Variants in ZFP3 observed in about 807,000 individuals in gnomAD.
The protein encoded by ZFP3 is ZFP3 zinc finger protein.
Under a neutral mutation model 36.7 loss-of-function variants are expected in ZFP3, and 18 were observed. The ratio of observed to expected loss-of-function variants is 0.49; its 90% CI spans 0.34 to 0.73. The LOEUF is 0.73. Ranked by LOEUF, ZFP3 falls within the 30% of genes least tolerant of loss-of-function variation. The pLI, the probability that ZFP3 is intolerant of heterozygous loss-of-function variation, is 0.01. For synonymous variants in ZFP3, 218 were observed against 199.0 expected (o/e 1.10, Z -0.81); for missense variants, 495 against 599.0 (o/e 0.83, Z 1.81).
At chr17:5,083,812 C>T (rs1167658724) in intron 1 of ZFP3, among the ~76,000 whole-genome samples, 1 of 152,024 alleles carries the variant, frequency 6.6e-6, no homozygotes, top group Non-Finnish European at 1.5e-5. Flanking sequence ...GGCTCCTAAG[C>T]AATTTTCAGG....
intron 1 of ZFP3, among the ~76,000 whole-genome samples, chr17:5,089,906 C>T (rs1158706493): frequency 6.6e-6 from 1 of 152,160 alleles, no homozygotes; most frequent in Non-Finnish European, 1.5e-5. Context: ...CATCTTCCCA[C>T]CTCTGCCTCC....
rs2072160204 is a variant in ZFP3 at position 5,093,180 on chromosome 17, T to A, written c.*167T>A. The A allele has an allele frequency of 1.6e-6, 1 of 644,134 alleles. No homozygotes were observed. Among genetic ancestry groups the A allele is most frequent in the Non-Finnish European group, 2.5e-6 (1 of 406,276 alleles). 39.9% of individuals were successfully genotyped at this position (644,134 alleles called of 1,614,324 possible). On this transcript the variant is annotated 3_prime_UTR_variant, in exon 2 of 2. Coordinates refer to ENST00000318833, the MANE Select transcript of ZFP3 (RefSeq NM_153018.3). ...TGGTTGAAGAAGATGAGGCACTTTT[T>A]TTTTTTTTTTTTTAAGCATTGGGGT...
intron 1 of ZFP3, among the ~76,000 whole-genome samples, chr17:5,088,683 C>A (rs184213192): frequency 2.2e-4 from 33 of 152,210 alleles, no homozygotes; most frequent in Admixed American, 5.2e-4. Flanking sequence ...CTTCTGACCT[C>A]GTGATCCACC....
At chr17:5,090,305 G>A (rs975280036) in intron 1 of ZFP3, among the ~76,000 whole-genome samples, 1 of 152,198 alleles carries the variant, frequency 6.6e-6, no homozygotes, top group Non-Finnish European at 1.5e-5. Flanking sequence ...GAGAAGACAA[G>A]GATCAGTGGA....
intron 1 of ZFP3, among the ~76,000 whole-genome samples, chr17:5,083,987 C>T (rs555775934): frequency 2.0e-5 from 3 of 152,012 alleles, no homozygotes; most frequent in Non-Finnish European, 4.4e-5. Context: ...CTGCCTCAGC[C>T]TCCCGAGTAG....
chr17:5,083,138 AAGTC>A (rs1284826035), intron 1 of ZFP3, among the ~76,000 whole-genome samples: 3 of 152,146 alleles, frequency 2.0e-5, no homozygotes, highest in Non-Finnish European at 4.4e-5. Flanking sequence ...AAGAGGAAAA[AAGTC>A]AGAGCAGGAA....
chr17:5,090,303 A>G (rs1295657287), intron 1 of ZFP3, among the ~76,000 whole-genome samples: 1 of 152,246 alleles, frequency 6.6e-6, no homozygotes, highest in Non-Finnish European at 1.5e-5. Flanking sequence ...TAGAGAAGAC[A>G]AGGATCAGTG....
intron 1 of ZFP3, among the ~76,000 whole-genome samples, chr17:5,079,462 T>C (rs1233860930): frequency 6.6e-6 from 1 of 151,742 alleles, no homozygotes; most frequent in Admixed American, 6.6e-5. Context: ...GCCTGGGAAG[T>C]TGAAGCTGCA....
intron 1 of ZFP3, among the ~76,000 whole-genome samples, chr17:5,090,176 GTTTAC>G (rs1567749719): frequency 6.6e-6 from 1 of 152,134 alleles, no homozygotes; most frequent in African/African-American, 2.4e-5. Context: ...TTATACTAAA[GTTTAC>G]TTGGGAAGAT....
At position 5,093,078 on chromosome 17, in the gene ZFP3, T is replaced by A. The variant is rs899204767; in HGVS notation, c.*65T>A. 4 of 1,452,460 alleles carry A rather than the reference T, an allele frequency of 2.8e-6. No homozygotes were observed. Among genetic ancestry groups the A allele is most frequent in the Non-Finnish European group, 3.7e-6 (4 of 1,081,192 alleles). The allele number at this position is 1,452,460 out of a possible 1,614,324, so 90.0% of individuals were successfully genotyped here. ...CCAACTTATTCATTTGTTCATAATA[T>A]GCAAATATGCACCCCAAGTATTCAA... On this transcript the variant is annotated 3_prime_UTR_variant, in exon 2 of 2. Transcript: ENST00000318833.
At chr17:5,084,307 G>C (rs1403780447) in intron 1 of ZFP3, among the ~76,000 whole-genome samples, 1 of 91,736 alleles carries the variant, frequency 1.1e-5, no homozygotes, top group Non-Finnish European at 1.9e-5. Flanking sequence ...ACGGAGTCTC[G>C]CTCTGTCGCC....
In ZFP3 at chr17:5,078,471, C is replaced by G. The variant is rs912685821; in HGVS notation, c.-113C>G. 1 of 152,332 alleles carries G rather than the reference C, an allele frequency of 6.6e-6. No homozygotes were observed. Among genetic ancestry groups the G allele is most frequent in the Non-Finnish European group, 1.5e-5 (1 of 68,102 alleles). 9.4% of individuals were successfully genotyped at this position (152,332 alleles called of 1,614,324 possible). Reference sequence around the variant, plus strand: ...GCCCGGGTACCGGAAGTGGCCGATGCCCGTCGCCAGTGACACCGGGACAAC... The same window carrying G: ...GCCCGGGTACCGGAAGTGGCCGATGGCCGTCGCCAGTGACACCGGGACAAC... On this transcript the variant is annotated 5_prime_UTR_variant, in exon 1 of 2. Transcript: ENST00000318833. The surrounding 1 kb of genome is among the most constrained non-coding windows in gnomAD (Gnocchi z 4.5).
At position 5,092,081 on chromosome 17, in the gene ZFP3, G is replaced by A; in HGVS notation, c.577G>A (p.Gly193Arg). The A allele has an allele frequency of 1.2e-6, 2 of 1,614,196 alleles. No individual in the cohort carries two copies. The highest frequency in any genetic ancestry group is 1.7e-6 in the Non-Finnish European group (2 of 1,180,038). Reference sequence around the variant, plus strand: ...TCGACGGCACCTGAGAATTCATGCTGGAGAAAAACCCTTTGCTTGTAATGA... The same window carrying A: ...TCGACGGCACCTGAGAATTCATGCTAGAGAAAAACCCTTTGCTTGTAATGA... Reference protein sequence around the residue: ...SLRRHLRIHAGEKPFACNECG... With the variant: ...SLRRHLRIHAREKPFACNECG... The change falls in exon 2 of 2, where the codon GGA becomes AGA. Residue 193 changes from glycine to arginine, a missense_variant. Transcript: ENST00000318833. This position sits in a 1 kb window ranked among gnomAD's most constrained non-coding sequence, Gnocchi z 5.0.
intron 1 of ZFP3, among the ~76,000 whole-genome samples, chr17:5,080,210 C>G (rs1166770073): frequency 6.6e-6 from 1 of 152,170 alleles, no homozygotes; most frequent in Non-Finnish European, 1.5e-5. Flanking sequence ...CTATGGTTCT[C>G]TCAGGATGGC....
At position 5,092,276 on chromosome 17, in the gene ZFP3, T is replaced by C; in HGVS notation, c.772T>C (p.Cys258Arg). 1.2e-6 allele frequency: 2 copies of C among 1,614,148 alleles called. No individual in the cohort carries two copies. Among genetic ancestry groups the C allele is most frequent in the South Asian group, 1.1e-5 (1 of 91,084 alleles). ...AGAGAAACCATATGAATGTAATGAATGTGGGAAGACCTTTAGGGTTAGTTC... is the reference window on the plus strand; with the variant it reads ...AGAGAAACCATATGAATGTAATGAACGTGGGAAGACCTTTAGGGTTAGTTC... The part of the protein sequence containing the change: ...TGEKPYECNE[C>R]GKTFRVSSQL... Residue 258 changes from cysteine to arginine, a missense_variant, in exon 2 of 2, where the codon TGT becomes CGT. Physicochemically the swap from Cys to Arg is radical, Grantham distance 180. This residue lies in a region of ZFP3 where 103 missense variants were observed against 186.8 expected (regional missense o/e 0.55). Coordinates refer to ENST00000318833, the MANE Select transcript of ZFP3 (RefSeq NM_153018.3). This position sits in a 1 kb window ranked among gnomAD's most constrained non-coding sequence, Gnocchi z 5.0.
At chr17:5,083,108 G>A (rs2072102539) in intron 1 of ZFP3, among the ~76,000 whole-genome samples, 1 of 152,040 alleles carries the variant, frequency 6.6e-6, no homozygotes, top group African/African-American at 2.4e-5. Context: ...TAGGGGAGGG[G>A]AGGGGCAATC....
In ZFP3 at chr17:5,093,200, TG is replaced by T; in HGVS notation, c.*191del. ...CTTTTTTTTTTTTTTTTTTAAGCATTGGGGTCTTGCTCTGTTGCCCAGGATG... is the reference window on the plus strand; with the variant it reads ...CTTTTTTTTTTTTTTTTTTAAGCATTGGGTCTTGCTCTGTTGCCCAGGATG... On this transcript the variant is annotated 3_prime_UTR_variant, in exon 2 of 2. Transcript: ENST00000318833. 1.7e-6 allele frequency: 1 copy of T among 598,856 alleles called. No homozygotes were observed. The highest frequency in any genetic ancestry group is 2.7e-5 in the South Asian group (1 of 36,686). The allele number at this position is 598,856 out of a possible 1,614,324, so 37.1% of individuals were successfully genotyped here. A position where few individuals can be genotyped will look rare whatever the true frequency, so the allele number is the denominator to read the frequency against.
intron 1 of ZFP3, among the ~76,000 whole-genome samples, chr17:5,081,966 C>G (rs1384582721): frequency 2.7e-5 from 4 of 147,890 alleles, no homozygotes; most frequent in African/African-American, 9.9e-5. Context: ...AATCCTAGCA[C>G]TTTTGGAGGC....
chr17:5,084,690 T>C (rs2072112219), intron 1 of ZFP3, among the ~76,000 whole-genome samples: 2 of 152,206 alleles, frequency 1.3e-5, no homozygotes, highest in South Asian at 4.1e-4. Context: ...CTGCCTGTCA[T>C]GCCCAAACTG....
Sources: allele counts gnomAD v4.1 joint callset (sites outside exome capture counted in the v4.1 genomes callset), GRCh38; gene constraint gnomAD v4.1.1; regional missense constraint gnomAD v4.1.1; non-coding constraint Gnocchi (gnomAD v3.1); transcripts MANE v1.5; gene names NCBI Gene and HGNC (gene_info 2026-07-23, HGNC 2026-07-21).